Variants in GRIK1 observed in about 807,000 individuals in gnomAD.
The protein encoded by GRIK1 is glutamate receptor ionotropic, kainate 1.
In GRIK1, 69 loss-of-function variants were observed where a neutral mutation model predicts 105.7. The observed-to-expected ratio is 0.65, with a 90% confidence interval of 0.54 to 0.80. The LOEUF is 0.80. Among genes scored for constraint, GRIK1 ranks in the 30% least tolerant of loss-of-function variants. The pLI, the probability that GRIK1 is intolerant of heterozygous loss-of-function variation, is 0.00. For missense variants in GRIK1, 1,109 were observed against 1,167.3 expected, an observed-to-expected ratio of 0.95 and a Z score of 0.73; for synonymous variants, 438 against 431.3, an observed-to-expected ratio of 1.02 and a Z score of -0.19.
At chr21:29,895,352 G>A (rs559535578) in intron 1 of GRIK1, among the ~76,000 whole-genome samples, 3 of 152,274 alleles carry the variant, frequency 2.0e-5, no homozygotes, top group East Asian at 1.9e-4. Context: ...GGGAGATCTC[G>A]TCAAAATCCT....
At chr21:29,563,985 G>A (rs887863816) in intron 14 of GRIK1, among the ~76,000 whole-genome samples, 4 of 152,090 alleles carry the variant, frequency 2.6e-5, no homozygotes, top group Admixed American at 2.6e-4. Context: ...TTTTGAGAAT[G>A]ATTTTAATCT....
At chr21:29,642,795 G>A (rs1216762876) in intron 7 of GRIK1, 31 bp downstream of exon 7, 9 of 1,608,686 alleles carry the variant, frequency 5.6e-6, no homozygotes, top group Non-Finnish European at 7.7e-6. Context: ...TGCTCAGAAG[G>A]GCCCCTGGGC....
At chr21:29,828,035 G>GTC (rs60096082) in intron 1 of GRIK1, among the ~76,000 whole-genome samples, 54 of 149,224 alleles carry the variant, frequency 3.6e-4, no homozygotes, top group Admixed American at 1.3e-3. Context: ...GTGTGTGTGT[G>GTC]GGTGTGTGTC....
intron 12 of GRIK1, among the ~76,000 whole-genome samples, chr21:29,585,976 T>C (rs2091122611): frequency 6.6e-6 from 1 of 152,214 alleles, no homozygotes; most frequent in Admixed American, 6.5e-5. Context: ...CTGGACTCCG[T>C]CCACTTGATA....
At chr21:29,899,180 G>A (rs1005482099) in intron 1 of GRIK1, among the ~76,000 whole-genome samples, 3 of 152,182 alleles carry the variant, frequency 2.0e-5, no homozygotes, top group African/African-American at 7.2e-5. Flanking sequence ...AAATTACTCT[G>A]AAGGACTAGC....
At chr21:29,797,404 G>A (rs1480907963) in intron 1 of GRIK1, among the ~76,000 whole-genome samples, 1 of 152,182 alleles carries the variant, frequency 6.6e-6, no homozygotes, top group Non-Finnish European at 1.5e-5. Flanking sequence ...GCCATGAACA[G>A]TGATATTTGG....
At chr21:29,778,948 T>C (rs750130517) in intron 1 of GRIK1, among the ~76,000 whole-genome samples, 1 of 152,136 alleles carries the variant, frequency 6.6e-6, no homozygotes, top group Non-Finnish European at 1.5e-5. Flanking sequence ...TTCAAAATGA[T>C]TTGGGAAAAT....
intron 1 of GRIK1, among the ~76,000 whole-genome samples, chr21:29,905,326 G>A (rs917636230): frequency 2.0e-5 from 3 of 152,140 alleles, no homozygotes; most frequent in Non-Finnish European, 2.9e-5. Flanking sequence ...GATTCACCAG[G>A]AAGGAGGAAG....
chr21:29,579,945 A>C (rs2090977578), intron 13 of GRIK1, among the ~76,000 whole-genome samples: 1 of 146,268 alleles, frequency 6.8e-6, no homozygotes, highest in Non-Finnish European at 1.5e-5. Flanking sequence ...TGAAACCTAA[A>C]AGTATATATA....
At chr21:29,793,407 C>T (rs2066477693) in intron 1 of GRIK1, among the ~76,000 whole-genome samples, 2 of 152,252 alleles carry the variant, frequency 1.3e-5, no homozygotes, top group South Asian at 4.2e-4. Flanking sequence ...AGCCCTGCTA[C>T]AAGTTATGGC....
intron 1 of GRIK1, among the ~76,000 whole-genome samples, chr21:29,901,908 T>C (rs892741089): frequency 2.1e-5 from 3 of 141,132 alleles, no homozygotes; most frequent in Non-Finnish European, 3.0e-5. Flanking sequence ...AATAAAATAC[T>C]GGCAAACCAA....
chr21:29,808,124 T>C (rs1352691328), intron 1 of GRIK1, among the ~76,000 whole-genome samples: 1 of 152,140 alleles, frequency 6.6e-6, no homozygotes, highest in African/African-American at 2.4e-5. Context: ...CAGATTACCA[T>C]TTTCATAGAA....
chr21:29,606,952 A>C (rs540258269), intron 7 of GRIK1, among the ~76,000 whole-genome samples: 41 of 152,310 alleles, frequency 2.7e-4, no homozygotes, highest in African/African-American at 9.4e-4. Flanking sequence ...CCACTGTGCC[A>C]CTTTCACTGC....
chr21:29,681,359 C>T (rs2063372240), intron 3 of GRIK1, among the ~76,000 whole-genome samples: 1 of 152,156 alleles, frequency 6.6e-6, no homozygotes, highest in South Asian at 2.1e-4. Context: ...CTTGCATGAC[C>T]TACAAGGCCC....
At chr21:29,645,039 A>G (rs941187685) in intron 6 of GRIK1, among the ~76,000 whole-genome samples, 5 of 152,238 alleles carry the variant, frequency 3.3e-5, no homozygotes, top group African/African-American at 1.2e-4. Context: ...TTCTACACCA[A>G]GTTATTGGTC....
rs377352111 is a variant in GRIK1 at position 29,642,949 on chromosome 21, G to A, written c.975C>T (p.Tyr325=). The change falls in exon 7 of 18, where the codon TAC becomes TAT. Residue 325 remains tyrosine, a synonymous_variant. Transcript: ENST00000327783. The part of the protein sequence containing the change: ...GMMTTEAALM[Y]DAVYMVAIAS... ...CAATGGCCACCATGTACACAGCATC[G>A]TACATCAGAGCCGCTTCAGTCTGTG... The A allele has an allele frequency of 3.7e-5, 60 of 1,613,876 alleles. 2 individuals are homozygous for A. The highest frequency in any genetic ancestry group is 3.5e-4 in the South Asian group (32 of 91,068).
intron 13 of GRIK1, 43 bp downstream of exon 13, chr21:29,581,382 C>A (rs904331329): frequency 5.4e-6 from 6 of 1,112,326 alleles, no homozygotes; most frequent in Non-Finnish European, 8.3e-6. Flanking sequence ...AGCCTGTCAG[C>A]ACACTGTGGG....
At chr21:29,575,654 A>C (rs1273552708) in intron 14 of GRIK1, among the ~76,000 whole-genome samples, 1 of 152,090 alleles carries the variant, frequency 6.6e-6, no homozygotes, top group Non-Finnish European at 1.5e-5. Flanking sequence ...CAATATGGTG[A>C]AACCCTGTCT....
chr21:29,608,695 G>A (rs2061670537), intron 7 of GRIK1, among the ~76,000 whole-genome samples: 1 of 152,048 alleles, frequency 6.6e-6, no homozygotes, highest in Non-Finnish European at 1.5e-5. Context: ...TTTTTCTGAA[G>A]GTTTTGCTAT....
Sources: allele counts gnomAD v4.1 joint callset (sites outside exome capture counted in the v4.1 genomes callset), GRCh38; gene constraint gnomAD v4.1.1; transcripts MANE v1.5; gene names NCBI Gene and HGNC (gene_info 2026-07-23, HGNC 2026-07-21).